CSRNP1: variants seen among roughly 807,000 people sequenced by gnomAD.
The protein encoded by CSRNP1 is cysteine/serine-rich nuclear protein 1.
In CSRNP1, 8 loss-of-function variants were observed where a neutral mutation model predicts 25.0. The observed-to-expected ratio is 0.32, with a 90% CI of 0.19 to 0.58. The LOEUF (loss-of-function observed/expected upper bound fraction) is 0.58, where lower values mean the gene tolerates loss of function less well. CSRNP1 is among the 20% of genes least tolerant of loss of function. The pLI is 0.88. For missense variants in CSRNP1, 691 were observed against 773.1 expected, an observed-to-expected ratio of 0.89 and a Z score of 1.26; for synonymous variants, 305 against 303.1, an observed-to-expected ratio of 1.01 and a Z score of -0.06.
At chr3:39,146,835 C>A in intron 1 of CSRNP1, 113 bp from the exon 2 acceptor site, 1 of 1,407,522 alleles carries the variant, frequency 7.1e-7, no homozygotes, top group Non-Finnish European at 9.4e-7. Flanking sequence ...ACCCTGGCCT[C>A]TGCCCTCCAG....
At chr3:39,147,897 T>C (rs897851396) in intron 1 of CSRNP1, among the ~76,000 whole-genome samples, 2 of 152,160 alleles carry the variant, frequency 1.3e-5, no homozygotes, top group African/African-American at 4.8e-5. Context: ...AAGTTGAAGC[T>C]GAGGCCGAGG....
intron 2 of CSRNP1, among the ~76,000 whole-genome samples, chr3:39,145,725 T>A (rs1328919670): frequency 6.6e-6 from 1 of 152,282 alleles, no homozygotes; most frequent in Non-Finnish European, 1.5e-5. Flanking sequence ...AAATTCCATA[T>A]ATTTCAACTT....
At chr3:39,154,583 C>G (rs1249810365), upstream of CSRNP1, 1 of 152,506 alleles carries the variant, frequency 6.6e-6, no homozygotes, top group Non-Finnish European at 1.5e-5. Flanking sequence ...TACCAGAATC[C>G]CAATGCCTTT....
Position 39,145,177 on chromosome 3 carries a change from G to C in CSRNP1, c.285C>G (p.Pro95=). The C allele has an allele frequency of 6.2e-7, 1 of 1,614,230 alleles. No individual in the cohort carries two copies. The highest frequency in any genetic ancestry group is 1.3e-5 in the African/African-American group (1 of 75,076). Residue 95 remains proline (P), a synonymous_variant, in exon 3 of 5, where the codon CCC becomes CCG. Coordinates refer to ENST00000273153, the MANE Select transcript of CSRNP1 (RefSeq NM_033027.4). ...GCACACTGGTGAAGCCCTGGCAGCG[G>C]GGGAAGTAGAAGACGGTGATCCCAT... is the stretch of plus-strand genomic sequence containing the variant. ...AFDGITVFYF[P]RCQGFTSVPS... is the part of the protein sequence containing the mutation.
chr3:39,150,859 C>A (rs1353217860), intron 1 of CSRNP1: 1 of 152,248 alleles, frequency 6.6e-6, no homozygotes, highest in Non-Finnish European at 1.5e-5. Flanking sequence ...ACAATCCCCT[C>A]CAAATCTGCA....
Position 39,146,670 on chromosome 3 carries a change from A to G in CSRNP1, c.13T>C (p.Leu5=), listed in dbSNP as rs1420119838. The change falls in exon 2 of 5, where the codon TTG becomes CTG. Residue 5 remains leucine (L), a synonymous_variant. Transcript: ENST00000273153. MTGL[L]KRKFDQLDED... is the part of the protein sequence containing the mutation. The stretch of plus-strand genomic sequence containing the variant: ...TCCAGCTGGTCAAATTTCCTCTTCA[A>G]CAGCCCAGTCATGGTGGTGCCGGAC... 6.4e-7 allele frequency: 1 copy of G among 1,563,324 alleles called. No individual in the cohort carries two copies. Among genetic ancestry groups the G allele is most frequent in the Non-Finnish European group, 8.7e-7 (1 of 1,153,756 alleles).
intron 1 of CSRNP1, 35 bp downstream of exon 1, chr3:39,153,403 C>A: frequency 3.8e-6 from 1 of 262,786 alleles, no homozygotes; most frequent in Non-Finnish European, 8.1e-6. Flanking sequence ...CCCCAAAGTC[C>A]CGTCCTGCCG....
In CSRNP1 at chr3:39,146,514, G is replaced by C; in HGVS notation, c.169C>G (p.Pro57Ala). The C allele has an allele frequency of 1.3e-6, 2 of 1,550,756 alleles. No individual in the cohort carries two copies. Among genetic ancestry groups the C allele is most frequent in the Non-Finnish European group, 1.7e-6 (2 of 1,146,552 alleles). The change falls in exon 2 of 5, where the codon CCT becomes GCT. Residue 57 changes from proline to alanine, a missense_variant. Physicochemically the swap from Pro to Ala is conservative, Grantham distance 27. Transcript: ENST00000273153. ...EEGPWDQMPLPDRDFCGPRSF... is the reference protein window; with the variant it reads ...EEGPWDQMPLADRDFCGPRSF... The stretch of plus-strand genomic sequence containing the variant: ...CTGGGGCCGCAGAAGTCACGGTCAG[G>C]CAGGGGCATCTGATCCCAGGGGCCT...
chr3:39,148,594 A>G (rs1375522344), intron 1 of CSRNP1: 4 of 152,136 alleles, frequency 2.6e-5, no homozygotes, highest in Admixed American at 2.6e-4. Flanking sequence ...CCCCAAATCG[A>G]ACCCCTTGTG....
At chr3:39,144,873 C>G in intron 3 of CSRNP1, 124 bp downstream of exon 3, 1 of 1,202,990 alleles carries the variant, frequency 8.3e-7, no homozygotes, top group South Asian at 1.6e-5. Flanking sequence ...TCACCAGGCC[C>G]ACAGGCCTGT....
At chr3:39,150,180 C>T (rs1406721066) in intron 1 of CSRNP1, 1 of 152,224 alleles carries the variant, frequency 6.6e-6, no homozygotes, top group East Asian at 1.9e-4. Context: ...TTTGTTTAAG[C>T]AACCCAGTCT....
Position 39,143,456 on chromosome 3 carries a change from T to A in CSRNP1, c.1369A>T (p.Asn457Tyr). Reference protein sequence around the residue: ...CSFTSGVLDENANLDASCFLN... With the variant: ...CSFTSGVLDEYANLDASCFLN... ...AAGCAGCTGGCATCCAGGTTGGCAT[T>A]CTCATCCAGGACGCCTGATGTGAAG... The change falls in exon 5 of 5, where the codon AAT (asparagine) becomes TAT (tyrosine). Residue 457 changes from asparagine to tyrosine, a missense_variant. By Grantham distance (143) the Asn-to-Tyr change is moderately radical (BLOSUM62 -2). Transcript: ENST00000273153. 6.2e-7 allele frequency: 1 copy of A among 1,614,126 alleles called. No individual in the cohort carries two copies. The highest frequency in any genetic ancestry group is 8.5e-7 in the Non-Finnish European group (1 of 1,179,962).
chr3:39,151,918 G>A (rs1232377243), intron 1 of CSRNP1: 1 of 152,374 alleles, frequency 6.6e-6, no homozygotes, highest in African/African-American at 2.4e-5. Context: ...AACTGCACCT[G>A]ACAATGACTG....
At chr3:39,145,287 T>G (rs762073934) in intron 2 of CSRNP1, 31 bp from the exon 3 acceptor site, 3 of 1,533,604 alleles carry the variant, frequency 2.0e-6, no homozygotes, top group Non-Finnish European at 2.6e-6. Flanking sequence ...GGCTGGGGAT[T>G]AGTTTTCAGT....
In CSRNP1 at chr3:39,144,381, G is replaced by A; in HGVS notation, c.536C>T (p.Ser179Phe). 1 of 1,613,914 alleles carries A rather than the reference G, an allele frequency of 6.2e-7. No homozygotes were observed. Among genetic ancestry groups the A allele is most frequent in the African/African-American group, 1.3e-5 (1 of 75,036 alleles). The change falls in exon 4 of 5, where the codon TCT (serine) becomes TTT (phenylalanine). Residue 179 changes from serine (S) to phenylalanine (F), a missense_variant. Physicochemically the swap from Ser to Phe is radical, Grantham distance 155 (BLOSUM62 -2). Coordinates refer to ENST00000273153, the MANE Select transcript of CSRNP1 (RefSeq NM_033027.4). ...PPVVDAIDDA[S>F]VEEDLAVAVA... is the part of the protein sequence containing the mutation. The stretch of plus-strand genomic sequence containing the variant: ...AGCGACTGCCAAGTCCTCCTCCACA[G>A]AGGCGTCATCAATGGCATCCACCAC...
chr3:39,144,870 G>C, intron 3 of CSRNP1, 127 bp downstream of exon 3: 1 of 1,164,414 alleles, frequency 8.6e-7, no homozygotes, highest in Non-Finnish European at 1.2e-6. Context: ...CAATCACCAG[G>C]CCCACAGGCC....
At position 39,144,890 on chromosome 3, in the gene CSRNP1, A is replaced by G; in HGVS notation, c.465+107T>C. The G allele has an allele frequency of 2.2e-6, 3 of 1,342,468 alleles. No individual in the cohort carries two copies. The South Asian group carries it at 4.6e-5, about 20-fold the overall frequency. 83.2% of individuals were successfully genotyped at this position (1,342,468 alleles called of 1,614,324 possible). ...ACCAGGCCCACAGGCCTGTTTCCCC[A>G]TAACCATAATGAGCAAGTCAGCACC... On this transcript the variant is annotated intron_variant, in intron 3 of 4. Transcript: ENST00000273153.
Position 39,146,618 on chromosome 3 carries a change from G to T in CSRNP1, c.65C>A (p.Ser22Tyr), listed in dbSNP as rs773553421. 1.1e-5 allele frequency: 18 copies of T among 1,572,710 alleles called. 1 individual carries two copies. The South Asian group carries it at 2.1e-4, about 18-fold the overall frequency. The change falls in exon 2 of 5, where the codon TCC (serine) becomes TAC (tyrosine). Residue 22 changes from serine to tyrosine, a missense_variant. By Grantham distance (144) the Ser-to-Tyr change is moderately radical. Coordinates refer to ENST00000273153, the MANE Select transcript of CSRNP1 (RefSeq NM_033027.4). ...LDEDNSSVSSSSSSSGCQSRS... is the reference protein window; with the variant it reads ...LDEDNSSVSSYSSSSGCQSRS... Reference sequence around the variant, plus strand: ...AGACTGGCACCCAGAGGAAGAGGAGGAGGAGGAGACCGAGGAGTTGTCCTC... The same window carrying T: ...AGACTGGCACCCAGAGGAAGAGGAGTAGGAGGAGACCGAGGAGTTGTCCTC...
chr3:39,154,168 C>G (rs1210046990), upstream of CSRNP1: 1 of 152,210 alleles, frequency 6.6e-6, no homozygotes, highest in Non-Finnish European at 1.5e-5. Context: ...AGGCAGGGAG[C>G]GGGAAGGATG....
Sources: allele counts gnomAD v4.1 joint callset (sites outside exome capture counted in the v4.1 genomes callset), GRCh38; gene constraint gnomAD v4.1.1; transcripts MANE v1.5; gene names NCBI Gene and HGNC (gene_info 2026-07-23, HGNC 2026-07-21).